Variants in PCDH9 observed in about 807,000 individuals in gnomAD.
The protein encoded by PCDH9 is protocadherin-9.
PCDH9 carries 24 observed loss-of-function variants against 70.6 expected under a neutral mutation model. The ratio of observed to expected loss-of-function variants is 0.34; its 90% CI spans 0.25 to 0.48. PCDH9 has a LOEUF of 0.48. PCDH9 is among the 20% of genes least tolerant of loss of function. The probability of loss-of-function intolerance (pLI) is 0.99; values close to 1 mark genes in which losing one functional copy is unlikely to be tolerated. For missense variants in PCDH9, 1,281 were observed against 1,503.6 expected, an observed-to-expected ratio of 0.85 and a Z score of 2.45; for synonymous variants, 562 against 558.5, an observed-to-expected ratio of 1.01 and a Z score of -0.09.
chr13:67,173,230 G>A (rs2088346884), intron 2 of PCDH9, among the ~76,000 whole-genome samples: 1 of 152,136 alleles, frequency 6.6e-6, no homozygotes, highest in South Asian at 2.1e-4. Flanking sequence ...AATTTTCCCT[G>A]TAGTAATCTT....
At chr13:67,222,010 C>T (rs1285445330) in intron 2 of PCDH9, 2 of 152,094 alleles carry the variant, frequency 1.3e-5, no homozygotes, top group Middle Eastern at 3.2e-3. Context: ...CTCAGTGGTA[C>T]GAAATCAGAG....
intron 3 of PCDH9, among the ~76,000 whole-genome samples, chr13:66,645,358 AAAG>A (rs1311161320): frequency 6.6e-6 from 1 of 152,232 alleles, no homozygotes; most frequent in Middle Eastern, 3.4e-3. Context: ...GTTTCTGGTA[AAAG>A]AAGAAGTTGA....
intron 4 of PCDH9, among the ~76,000 whole-genome samples, chr13:66,338,517 T>G (rs549036566): frequency 6.6e-6 from 1 of 152,246 alleles, no homozygotes; most frequent in East Asian, 1.9e-4. Flanking sequence ...CATAATGATT[T>G]ACTTTATAAA....
rs144210770 is a variant in PCDH9 at position 67,013,723 on chromosome 13, CA to C, written c.3037-110119del. 2.2e-4 allele frequency among the ~76,000 whole-genome samples: 23 copies of C among 105,918 alleles called. 1 individual carries two copies. The highest frequency in any genetic ancestry group is 5.5e-4 in the African/African-American group (18 of 32,454). 69.5% of individuals were successfully genotyped at this position (105,918 alleles called of 152,430 possible). On this transcript the variant is annotated intron_variant, in intron 2 of 4. Coordinates refer to ENST00000377865, the MANE Select transcript of PCDH9 (RefSeq NM_203487.3). ...GTCCTTGGATATTGTTGATGGATAA[CA>C]AAAAAAAATCAAAGATTAAATAGGA...
Position 67,162,703 on chromosome 13 carries a change from C to T in PCDH9, c.3036+62702G>A, listed in dbSNP as rs1210428528. 2.0e-5 allele frequency among the ~76,000 whole-genome samples: 3 copies of T among 152,146 alleles called. No homozygotes were observed. The East Asian group carries it at 5.8e-4, about 29-fold the overall frequency. ...AGATAAGGTGCTTCAGAGTCTTTAA[C>T]ATCTTTTTCCACATCAGAGAAAAAG... is the stretch of plus-strand genomic sequence containing the variant. On this transcript the variant is annotated intron_variant, in intron 2 of 4. Coordinates refer to ENST00000377865, the MANE Select transcript of PCDH9 (RefSeq NM_203487.3).
intron 3 of PCDH9, among the ~76,000 whole-genome samples, chr13:66,852,264 C>T (rs567061161): frequency 6.6e-6 from 1 of 151,978 alleles, no homozygotes; most frequent in South Asian, 2.1e-4. Context: ...TAATGTTGCC[C>T]ACTCACTAAC....
chr13:66,595,912 C>T (rs1409192955), intron 4 of PCDH9, among the ~76,000 whole-genome samples: 3 of 151,498 alleles, frequency 2.0e-5, no homozygotes, highest in Non-Finnish European at 4.4e-5. Flanking sequence ...TCAAAATAAA[C>T]GTAAAATTTA....
chr13:66,520,133 T>C (rs906483491), intron 4 of PCDH9, among the ~76,000 whole-genome samples: 2 of 152,088 alleles, frequency 1.3e-5, no homozygotes. Context: ...AAATGCCCTT[T>C]ACGTCCTTTC....
At chr13:66,764,198 TA>T (rs2079674106) in intron 3 of PCDH9, among the ~76,000 whole-genome samples, 1 of 150,778 alleles carries the variant, frequency 6.6e-6, no homozygotes, top group African/African-American at 2.4e-5. Context: ...TATATATTGA[TA>T]AAAATATAAT....
intron 3 of PCDH9, among the ~76,000 whole-genome samples, chr13:66,871,071 A>C (rs908036510): frequency 6.6e-6 from 1 of 152,088 alleles, no homozygotes; most frequent in African/African-American, 2.4e-5. Context: ...AAAAATGATG[A>C]GTTCATGTCC....
At chr13:66,661,275 T>C (rs2139016670) in intron 3 of PCDH9, among the ~76,000 whole-genome samples, 1 of 152,314 alleles carries the variant, frequency 6.6e-6, no homozygotes, top group South Asian at 2.1e-4. Flanking sequence ...CTCAGAAACC[T>C]AACACTTCGA....
At chr13:66,748,319 T>C (rs779278255) in intron 3 of PCDH9, among the ~76,000 whole-genome samples, 1 of 152,236 alleles carries the variant, frequency 6.6e-6, no homozygotes, top group Non-Finnish European at 1.5e-5. Flanking sequence ...ATTTCATGTG[T>C]ACCTTTGCTG....
chr13:66,574,638 C>T lies in PCDH9; in HGVS notation c.3340+56572G>A, dbSNP rs552583585. ...TCAAAAAGATGAAATCATATCTGTC[C>T]TCAGAAATAATTTATTTAAGCCAGT... On this transcript the variant is annotated intron_variant, in intron 4 of 4. Coordinates refer to ENST00000377865, the MANE Select transcript of PCDH9 (RefSeq NM_203487.3). Among the ~76,000 whole-genome samples, 4 of 152,222 alleles carry T rather than the reference C, an allele frequency of 2.6e-5. No homozygotes were observed. The South Asian group carries it at 8.3e-4, about 32-fold the overall frequency.
At chr13:67,036,838 G>A (rs1239774305) in intron 2 of PCDH9, among the ~76,000 whole-genome samples, 2 of 152,180 alleles carry the variant, frequency 1.3e-5, no homozygotes, top group East Asian at 1.9e-4. Flanking sequence ...GACTGGCATT[G>A]GGTGGTATTC....
At chr13:66,992,920 T>C (rs1275764176) in intron 2 of PCDH9, among the ~76,000 whole-genome samples, 2 of 148,106 alleles carry the variant, frequency 1.4e-5, no homozygotes, top group Non-Finnish European at 3.0e-5. Flanking sequence ...AAAAAAAAGA[T>C]CCTGAATGGA....
At chr13:66,759,694 A>T (rs2079592473) in intron 3 of PCDH9, among the ~76,000 whole-genome samples, 1 of 68,070 alleles carries the variant, frequency 1.5e-5, no homozygotes, top group African/African-American at 4.1e-5. Flanking sequence ...TGAGGCTTAT[A>T]AAAACATTTT....
At chr13:67,169,692 CAA>C (rs2088224077) in intron 2 of PCDH9, among the ~76,000 whole-genome samples, 1 of 152,118 alleles carries the variant, frequency 6.6e-6, no homozygotes, top group African/African-American at 2.4e-5. Flanking sequence ...AAAAATTCAA[CAA>C]AGTGTATCTG....
intron 3 of PCDH9, among the ~76,000 whole-genome samples, chr13:66,760,138 T>C (rs75018807): frequency 2.4e-3 from 372 of 152,274 alleles, no homozygotes; most frequent in Non-Finnish European, 4.3e-3. Flanking sequence ...GCCGGTCATT[T>C]TTTTTCCCCC....
intron 2 of PCDH9, among the ~76,000 whole-genome samples, chr13:67,161,140 T>A (rs1253390759): frequency 1.3e-5 from 2 of 152,220 alleles, no homozygotes; most frequent in Non-Finnish European, 2.9e-5. Context: ...CCATTTCCAA[T>A]ACCCTTCCTG....
Sources: gnomAD v4.1 joint callset for allele counts (sites outside exome capture counted in the v4.1 genomes callset) on GRCh38, gnomAD v4.1.1 for gene constraint, MANE v1.5 for transcripts, NCBI Gene and HGNC (gene_info 2026-07-23, HGNC 2026-07-21) for gene names.